The following KAT6A variants were observed in gnomAD, a reference collection of about 807,000 sequenced individuals.
The protein encoded by KAT6A is lysine acetyltransferase 6A, also known as histone acetyltransferase KAT6A.
Under a neutral mutation model 198.4 loss-of-function variants are expected in KAT6A, and 9 were observed. The ratio of observed to expected loss-of-function variants is 0.05; its 90% CI spans 0.03 to 0.08. The LOEUF (loss-of-function observed/expected upper bound fraction) is 0.08, where lower values mean the gene tolerates loss of function less well. Ranked by LOEUF, KAT6A falls within the 10% of genes least tolerant of loss-of-function variation. The pLI is 1.00. For synonymous variants in KAT6A, 890 were observed against 883.0 expected (o/e 1.01, Z -0.14); for missense variants, 2,077 against 2,509.9 (o/e 0.83, Z 3.69).
At chr8:41,954,722 G>C (rs1016169560) in intron 9 of KAT6A, among the ~76,000 whole-genome samples, 1 of 152,108 alleles carries the variant, frequency 6.6e-6, no homozygotes, top group Non-Finnish European at 1.5e-5. Flanking sequence ...AGAGCAGTTG[G>C]GCAGCTTTTA....
intron 2 of KAT6A, among the ~76,000 whole-genome samples, chr8:42,007,531 A>G (rs1825806461): frequency 6.6e-6 from 1 of 152,212 alleles, no homozygotes; most frequent in African/African-American, 2.4e-5. Flanking sequence ...TACTTAAGAA[A>G]TGTGTGGACT....
intron 5 of KAT6A, among the ~76,000 whole-genome samples, chr8:41,980,584 C>A (rs1824301927): frequency 6.6e-6 from 1 of 151,972 alleles, no homozygotes; most frequent in Non-Finnish European, 1.5e-5. Context: ...TAGAGACTGG[C>A]AAATATGTAT....
intron 8 of KAT6A, among the ~76,000 whole-genome samples, chr8:41,964,293 A>C (rs1266724195): frequency 6.6e-6 from 1 of 152,224 alleles, no homozygotes; most frequent in Non-Finnish European, 1.5e-5. Context: ...ACAAATTAAT[A>C]TATAATGCTG....
rs1209449035 is a variant in KAT6A at position 42,051,961 on chromosome 8, T to C, written c.-386A>G. The C allele has an allele frequency of 1.4e-5, 2 of 143,526 alleles. No individual in the cohort carries two copies. The highest frequency in any genetic ancestry group is 3.0e-5 in the Non-Finnish European group (2 of 66,254). 8.9% of individuals were successfully genotyped at this position (143,526 alleles called of 1,614,324 possible). On this transcript the variant is annotated 5_prime_UTR_variant, in exon 1 of 17. Transcript: ENST00000265713. The stretch of plus-strand genomic sequence containing the variant: ...GCCGGACCGCGGAGATGCCCCAAAC[T>C]GACACGGCCGCCATCTTGGAGACAG...
chr8:42,029,949 T>A (rs1452122547), intron 2 of KAT6A, among the ~76,000 whole-genome samples: 1 of 152,186 alleles, frequency 6.6e-6, no homozygotes, highest in Admixed American at 6.5e-5. Flanking sequence ...ATTTTTCTTT[T>A]TTTCCACTGG....
intron 2 of KAT6A, among the ~76,000 whole-genome samples, chr8:42,030,243 AG>A (rs1268956331): frequency 6.6e-6 from 1 of 152,180 alleles, no homozygotes; most frequent in Non-Finnish European, 1.5e-5. Context: ...TCCTGAGGCC[AG>A]ATTACAGGAG....
chr8:41,943,239 G>A (rs992631572), intron 13 of KAT6A, among the ~76,000 whole-genome samples: 14 of 152,146 alleles, frequency 9.2e-5, no homozygotes, highest in African/African-American at 3.1e-4. Context: ...TGTCTCACAC[G>A]TCCCGCTCCA....
At chr8:41,982,637 C>T (rs561427589) in intron 3 of KAT6A, among the ~76,000 whole-genome samples, 1 of 152,148 alleles carries the variant, frequency 6.6e-6, no homozygotes, top group African/African-American at 2.4e-5. Context: ...GCATACACTA[C>T]CCATTTGTTA....
intron 1 of KAT6A, among the ~76,000 whole-genome samples, chr8:42,051,074 G>C (rs1802601038): frequency 1.3e-5 from 2 of 152,084 alleles, no homozygotes; most frequent in Admixed American, 1.3e-4. Flanking sequence ...CCACGCGATG[G>C]AAACAGACCC....
In KAT6A at chr8:41,930,221, A is replaced by AC. The variant is rs1821459605; in HGVS notation, c.*1983dup. On this transcript the variant is annotated 3_prime_UTR_variant, in exon 17 of 17. Transcript: ENST00000265713. ...ACAGCTTCTCCTTCTGCCTTGACCC[A>AC]CCCTCCTCCCAATATACCTCCCTCC... The AC allele has an allele frequency of 4.7e-6, 1 of 211,288 alleles. No homozygotes were observed. The highest frequency in any genetic ancestry group is 6.6e-5 in the East Asian group (1 of 15,064). The allele number at this position is 211,288 out of a possible 1,614,324, so 13.1% of individuals were successfully genotyped here. A position where few individuals can be genotyped will look rare whatever the true frequency, so the allele number is the denominator to read the frequency against.
chr8:42,049,323 G>T, intron 1 of KAT6A, 21 bp from the exon 2 acceptor site: 2 of 285,712 alleles, frequency 7.0e-6, no homozygotes, highest in South Asian at 1.1e-4. Context: ...ATGAAAATAA[G>T]GTCAGTTTTC....
chr8:41,957,373 AG>A (rs1247710461), intron 8 of KAT6A: 36 of 487,154 alleles, frequency 7.4e-5, no homozygotes, highest in Non-Finnish European at 1.2e-4. Flanking sequence ...CTACACAGGG[AG>A]GAAGAAATGG....
chr8:41,979,684 A>G (rs954100205), intron 5 of KAT6A, among the ~76,000 whole-genome samples: 13 of 152,022 alleles, frequency 8.6e-5, no homozygotes, highest in Admixed American at 7.2e-4. Context: ...TAAATTGAAG[A>G]CGTTTCAAAA....
chr8:42,022,636 ACT>A (rs1826605387), intron 2 of KAT6A, among the ~76,000 whole-genome samples: 1 of 152,138 alleles, frequency 6.6e-6, no homozygotes, highest in Non-Finnish European at 1.5e-5. Flanking sequence ...ACTGGTGATG[ACT>A]CTCTATGGAG....
chr8:42,004,345 G>A (rs903626238), intron 2 of KAT6A, among the ~76,000 whole-genome samples: 2 of 152,088 alleles, frequency 1.3e-5, no homozygotes, highest in African/African-American at 4.8e-5. Context: ...AAAGAAGTAG[G>A]AGCACACTTA....
At position 41,941,052 on chromosome 8, in the gene KAT6A, C is replaced by A. The variant is rs986552096; in HGVS notation, c.2829G>T (p.Gly943=). The A allele has an allele frequency of 5.6e-6, 9 of 1,614,018 alleles. No homozygotes were observed. Among genetic ancestry groups the A allele is most frequent in the Middle Eastern group, 1.6e-4 (1 of 6,084 alleles). ...PDLPKRRLSE[G]VEPWRGQLKK... is the part of the protein sequence containing the mutation. ...TGAGCTGTCCTCGCCAGGGCTCAAC[C>A]CCCTCACTGAGTCTTCTCTTGGGAA... The change falls in exon 15 of 17, where the codon GGG becomes GGT. Residue 943 remains glycine, a synonymous_variant. Transcript: ENST00000265713.
intron 7 of KAT6A, 121 bp downstream of exon 7, chr8:41,976,887 T>C: frequency 4.8e-6 from 4 of 833,404 alleles, no homozygotes; most frequent in Non-Finnish European, 5.4e-6. Context: ...TTCAATGTGT[T>C]CTTATATTCT....
At chr8:42,021,977 A>G (rs1013338814) in intron 2 of KAT6A, among the ~76,000 whole-genome samples, 2 of 152,150 alleles carry the variant, frequency 1.3e-5, no homozygotes, top group Non-Finnish European at 1.5e-5. Flanking sequence ...ATTATTGCAC[A>G]AGTTTAACAA....
In KAT6A at chr8:41,949,811, T is replaced by G. The variant is rs192034754; in HGVS notation, c.1599-448A>C. On this transcript the variant is annotated intron_variant, in intron 9 of 16. Coordinates refer to ENST00000265713, the MANE Select transcript of KAT6A (RefSeq NM_006766.5). ...AGGTATATTTATGGAACACAAATCC[T>G]GCAGGTACTAAGGATTTCGTGCTCA... is the stretch of plus-strand genomic sequence containing the variant. 2.2e-3 allele frequency among the ~76,000 whole-genome samples: 330 copies of G among 152,310 alleles called. 1 individual carries two copies. The highest frequency in any genetic ancestry group is 3.4e-4 in the Non-Finnish European group (23 of 68,026).
Sources: allele counts gnomAD v4.1 joint callset (sites outside exome capture counted in the v4.1 genomes callset), GRCh38; gene constraint gnomAD v4.1.1; transcripts MANE v1.5; gene names NCBI Gene and HGNC (gene_info 2026-07-23, HGNC 2026-07-21).